NT5DC1: variants seen among roughly 807,000 people sequenced by gnomAD.
NT5DC1 encodes the protein 5'-nucleotidase domain containing 1, also known as 5'-nucleotidase domain-containing protein 1.
In NT5DC1, 42 loss-of-function variants were observed where a neutral mutation model predicts 59.4. That is an observed-to-expected ratio of 0.71 (90% CI 0.55 to 0.92). NT5DC1 has a LOEUF of 0.92. NT5DC1 is among the 40% of genes least tolerant of loss of function. NT5DC1 has a pLI of 0.00. For synonymous variants in NT5DC1, 172 were observed against 188.1 expected (o/e 0.91, Z 0.70); for missense variants, 501 against 537.1 (o/e 0.93, Z 0.66).
intron 6 of NT5DC1, among the ~76,000 whole-genome samples, chr6:116,142,494 AACTT>A (rs1017265422): frequency 2.0e-5 from 3 of 152,174 alleles, no homozygotes; most frequent in East Asian, 1.9e-4. Context: ...TGAATTTATA[AACTT>A]ACTTCTGATT....
intron 8 of NT5DC1, among the ~76,000 whole-genome samples, chr6:116,232,990 A>G (rs1413512794): frequency 6.6e-6 from 1 of 152,154 alleles, no homozygotes; most frequent in African/African-American, 2.4e-5. Context: ...TTGTAGGCTA[A>G]AAGAAAAGAT....
At chr6:116,166,460 A>AT (rs751950281) in intron 6 of NT5DC1, among the ~76,000 whole-genome samples, 1 of 152,210 alleles carries the variant, frequency 6.6e-6, no homozygotes, top group Non-Finnish European at 1.5e-5. Flanking sequence ...TGGAAGAAGG[A>AT]TTTTGTCTTC....
intron 6 of NT5DC1, among the ~76,000 whole-genome samples, chr6:116,199,999 T>G (rs1204844): frequency 0.53 from 60,771 of 114,606 alleles, 16,390 homozygotes; most frequent in African/African-American, 0.8. Context: ...GTATGGAAAG[T>G]GGGGGGGGAA....
At chr6:116,178,078 TGTGTGTGTGTGCGC>T (rs1445039314) in intron 6 of NT5DC1, among the ~76,000 whole-genome samples, 33 of 111,304 alleles carry the variant, frequency 3.0e-4, no homozygotes, top group South Asian at 5.4e-4. Context: ...TGTGTGTGTG[TGTGTGTGTGTGCGC>T]GCGCGCGCGC....
chr6:116,132,143 G>C (rs958091824), intron 6 of NT5DC1, among the ~76,000 whole-genome samples: 13 of 152,068 alleles, frequency 8.5e-5, no homozygotes, highest in African/African-American at 3.1e-4. Context: ...TTTGTGTGTG[G>C]GTGTATATGT....
chr6:116,223,783 T>C (rs1400896390), intron 8 of NT5DC1, among the ~76,000 whole-genome samples: 1 of 152,212 alleles, frequency 6.6e-6, no homozygotes, highest in Non-Finnish European at 1.5e-5. Flanking sequence ...TCAAATAAGC[T>C]CAATGATATA....
intron 5 of NT5DC1, among the ~76,000 whole-genome samples, chr6:116,116,738 A>G (rs1201093719): frequency 6.6e-6 from 1 of 152,150 alleles, no homozygotes; most frequent in African/African-American, 2.4e-5. Flanking sequence ...GAAAGTTTCC[A>G]TTGAGCAATA....
intron 6 of NT5DC1, among the ~76,000 whole-genome samples, chr6:116,150,579 C>T (rs1399405925): frequency 6.6e-6 from 1 of 152,184 alleles, no homozygotes; most frequent in East Asian, 1.9e-4. Context: ...GTCACTGCAC[C>T]TGGCCTTGAA....
At chr6:116,195,525 A>G (rs187941806) in intron 6 of NT5DC1, among the ~76,000 whole-genome samples, 15 of 152,186 alleles carry the variant, frequency 9.9e-5, no homozygotes, top group Non-Finnish European at 1.8e-4. Context: ...AGGGATTCCA[A>G]TGATAATCCA....
At position 116,248,820 on chromosome 6, in the gene NT5DC1, A is replaced by G. The variant is rs540395907; in HGVS notation, c.*4796A>G. On this transcript the variant is annotated 3_prime_UTR_variant, in exon 12 of 12. Coordinates refer to ENST00000319550, the MANE Select transcript of NT5DC1 (RefSeq NM_152729.3). Reference sequence around the variant, plus strand: ...CAATACAAAGAAATGGAGCAGGGCTATAGCAGTGAACCAATTGGTTGGTAA... The same window carrying G: ...CAATACAAAGAAATGGAGCAGGGCTGTAGCAGTGAACCAATTGGTTGGTAA... The G allele has an allele frequency of 6.6e-6, 1 of 152,278 alleles. No individual in the cohort carries two copies. Among genetic ancestry groups the G allele is most frequent in the Non-Finnish European group, 1.5e-5 (1 of 68,064 alleles). 9.4% of individuals were successfully genotyped at this position (152,278 alleles called of 1,614,324 possible).
intron 1 of NT5DC1, among the ~76,000 whole-genome samples, chr6:116,103,893 AAAAAAAAATT>A (rs1231683444): frequency 6.6e-6 from 1 of 151,680 alleles, no homozygotes; most frequent in Non-Finnish European, 1.5e-5. Context: ...TGCTTATACT[AAAAAAAAATT>A]ATTTGTTTTT....
At chr6:116,216,226 T>C (rs1328111109) in intron 6 of NT5DC1, among the ~76,000 whole-genome samples, 1 of 152,168 alleles carries the variant, frequency 6.6e-6, no homozygotes, top group African/African-American at 2.4e-5. Context: ...ATAAAGATAC[T>C]ATAAAATTCA....
Position 116,174,824 on chromosome 6 carries a change from A to C in NT5DC1, c.530-46230A>C, listed in dbSNP as rs117095287. Among the ~76,000 whole-genome samples, 432 of 152,312 alleles carry C rather than the reference A, an allele frequency of 2.8e-3. 3 individuals are homozygous for C. Among genetic ancestry groups the C allele is most frequent in the Non-Finnish European group, 4.1e-3 (277 of 68,010 alleles). ...CCACTGGTACCATAAAGCATGGCTA[A>C]TTCAACCTAATGGGATTATTAATAG... On this transcript the variant is annotated intron_variant, in intron 6 of 11. Coordinates refer to ENST00000319550, the MANE Select transcript of NT5DC1 (RefSeq NM_152729.3).
chr6:116,245,111 C>T lies in NT5DC1; in HGVS notation c.*1087C>T, dbSNP rs574363432. The T allele has an allele frequency of 6.6e-5, 10 of 152,234 alleles. No homozygotes were observed. The highest frequency in any genetic ancestry group is 2.1e-4 in the South Asian group (1 of 4,818). 9.4% of individuals were successfully genotyped at this position (152,234 alleles called of 1,614,324 possible). A position where few individuals can be genotyped will look rare whatever the true frequency, so the allele number is the denominator to read the frequency against. ...GAACAAAAAGTTTGAGAAAAAAATG[C>T]TTTAATGGGTTTTACAGGCATGCTA... On this transcript the variant is annotated 3_prime_UTR_variant, in exon 12 of 12. Transcript: ENST00000319550.
chr6:116,124,317 G>A (rs1419449593), intron 6 of NT5DC1, among the ~76,000 whole-genome samples: 3 of 152,234 alleles, frequency 2.0e-5, no homozygotes, highest in East Asian at 3.9e-4. Flanking sequence ...GGAGTTTGAA[G>A]CCTACAGTCA....
intron 6 of NT5DC1, among the ~76,000 whole-genome samples, chr6:116,200,572 G>A (rs562901945): frequency 1.3e-5 from 2 of 151,902 alleles, no homozygotes; most frequent in African/African-American, 2.4e-5. Flanking sequence ...AAAAAGCATA[G>A]CTAAATAAAG....
intron 7 of NT5DC1, 111 bp from the exon 8 acceptor site, chr6:116,222,923 C>G: frequency 1.6e-6 from 1 of 629,388 alleles, no homozygotes; most frequent in Non-Finnish European, 2.8e-6. Context: ...AAAAGTTAGT[C>G]AAAAGATGAA....
At chr6:116,132,323 C>G (rs917908457) in intron 6 of NT5DC1, among the ~76,000 whole-genome samples, 1 of 152,158 alleles carries the variant, frequency 6.6e-6, no homozygotes, top group Non-Finnish European at 1.5e-5. Flanking sequence ...ATTCTTCTTA[C>G]TGAAAGCATG....
intron 6 of NT5DC1, chr6:116,121,457 C>T: frequency 6.2e-7 from 1 of 1,614,078 alleles, no homozygotes; most frequent in Non-Finnish European, 8.5e-7. Context: ...ACCTCTTTTT[C>T]CCACTCCAGG....
Sources: allele counts gnomAD v4.1 joint callset (sites outside exome capture counted in the v4.1 genomes callset), GRCh38; gene constraint gnomAD v4.1.1; transcripts MANE v1.5; gene names NCBI Gene and HGNC (gene_info 2026-07-23, HGNC 2026-07-21).